SAXO4: variants seen among roughly 807,000 people sequenced by gnomAD.
SAXO4 encodes the protein protein phosphatase 1 regulatory subunit 32.
chr11:61,490,650 C>A, the SAXO4 span: 1 of 1,422,518 alleles, frequency 7.0e-7, no homozygotes, highest in Non-Finnish European at 9.9e-7. Context: ...TGGGCCAGCC[C>A]TGCCTCTCAA....
At chr11:61,484,902 C>A in the SAXO4 span, 1 of 1,455,414 alleles carries the variant, frequency 6.9e-7, no homozygotes, top group Non-Finnish European at 9.1e-7. Flanking sequence ...AAGTATTGCA[C>A]TGACTCACCC....
At chr11:61,486,112 G>A in the SAXO4 span, among the ~76,000 whole-genome samples, 828 of 152,372 alleles carry the variant, frequency 5.4e-3, 3 homozygotes, top group Non-Finnish European at 9.1e-3. Context: ...TGAAGGAGGT[G>A]TAGCCAATGT....
chr11:61,482,209 T>C, the SAXO4 span: 3 of 1,044,256 alleles, frequency 2.9e-6, no homozygotes, highest in African/African-American at 3.1e-5. Flanking sequence ...AGCCCTCCCC[T>C]GTCACTGTGA....
At chr11:61,486,254 C>G in the SAXO4 span, 1 of 1,380,852 alleles carries the variant, frequency 7.2e-7, no homozygotes, top group Non-Finnish European at 1.0e-6. Context: ...GTGCTCAGCA[C>G]AGCAGTGGCC....
At chr11:61,487,259 T>C in the SAXO4 span, 3 of 1,603,424 alleles carry the variant, frequency 1.9e-6, no homozygotes, top group Admixed American at 1.7e-5. Context: ...CGCTTCCTGG[T>C]CCAAAGCTGA....
the SAXO4 span, among the ~76,000 whole-genome samples, chr11:61,488,423 G>A: frequency 3.3e-5 from 5 of 149,708 alleles, no homozygotes; most frequent in Admixed American, 1.3e-4. Flanking sequence ...TCCTGCCTCA[G>A]CCTCCCGAGT....
the SAXO4 span, chr11:61,482,669 A>AC: frequency 6.2e-7 from 1 of 1,614,004 alleles, no homozygotes; most frequent in Non-Finnish European, 8.5e-7. Context: ...CAAGCCCAGG[A>AC]CCATTTCCAG....
the SAXO4 span, chr11:61,484,908 C>G: frequency 1.9e-5 from 27 of 1,443,572 alleles, no homozygotes; most frequent in Middle Eastern, 2.5e-4. Flanking sequence ...TGCACTGACT[C>G]ACCCAAGAAG....
At chr11:61,485,972 T>G in the SAXO4 span, 9 of 1,186,682 alleles carry the variant, frequency 7.6e-6, no homozygotes, top group Non-Finnish European at 1.1e-5. Context: ...GTCTCAGGGT[T>G]TCTAGCTTTC....
At chr11:61,486,862 G>T in the SAXO4 span, 1 of 1,151,032 alleles carries the variant, frequency 8.7e-7, no homozygotes, top group Non-Finnish European at 1.3e-6. Context: ...TCACAGCTGT[G>T]TGTGCCTCTG....
the SAXO4 span, chr11:61,486,712 A>G: frequency 8.5e-7 from 1 of 1,173,066 alleles, no homozygotes; most frequent in African/African-American, 1.5e-5. Context: ...AAGAATTAGG[A>G]TATTTAGGGA....
At chr11:61,481,985 G>A in the SAXO4 span, 2 of 1,121,280 alleles carry the variant, frequency 1.8e-6, no homozygotes, top group Non-Finnish European at 2.6e-6. Flanking sequence ...TCTCTCTGAG[G>A]GAGGAGCAGA....
At chr11:61,487,612 G>A in the SAXO4 span, among the ~76,000 whole-genome samples, 1 of 152,212 alleles carries the variant, frequency 6.6e-6, no homozygotes, top group Non-Finnish European at 1.5e-5. Context: ...GCTATCCCCA[G>A]GGCAACATTA....
chr11:61,486,067 C>G, the SAXO4 span, among the ~76,000 whole-genome samples: 3 of 152,204 alleles, frequency 2.0e-5, no homozygotes, highest in Non-Finnish European at 4.4e-5. Flanking sequence ...TCCAAGTCCC[C>G]CATTTATAGA....
chr11:61,488,406 G>A, the SAXO4 span, among the ~76,000 whole-genome samples: 1 of 147,788 alleles, frequency 6.8e-6, no homozygotes, highest in South Asian at 2.2e-4. Flanking sequence ...CCGGGTTCAC[G>A]CCATTCTCCT....
At chr11:61,484,833 C>A in the SAXO4 span, 2 of 1,555,052 alleles carry the variant, frequency 1.3e-6, no homozygotes, top group Non-Finnish European at 1.7e-6. Context: ...GGCAGCCCAG[C>A]TAAGGGCTTC....
chr11:61,490,808 C>T, the SAXO4 span: 13 of 580,754 alleles, frequency 2.2e-5, no homozygotes, highest in East Asian at 3.7e-4. Flanking sequence ...TGCTTCTCCT[C>T]TACAGGTTTG....
chr11:61,486,424 G>A, the SAXO4 span: 3 of 1,613,924 alleles, frequency 1.9e-6, no homozygotes, highest in African/African-American at 4.0e-5. Flanking sequence ...CTAGGGGGAG[G>A]CTGGGGACCG....
At chr11:61,483,609 G>A in the SAXO4 span, among the ~76,000 whole-genome samples, 9 of 152,056 alleles carry the variant, frequency 5.9e-5, no homozygotes, top group African/African-American at 1.9e-4. Flanking sequence ...GGTGGAGTGC[G>A]GGGTGGGGCG....
Sources: gnomAD v4.1 joint callset for allele counts (sites outside exome capture counted in the v4.1 genomes callset) on GRCh38, gnomAD v4.1.1 for gene constraint, MANE v1.5 for transcripts, NCBI Gene and HGNC (gene_info 2026-07-23, HGNC 2026-07-21) for gene names.